The following RGS6 variants were observed in gnomAD, a reference collection of about 807,000 sequenced individuals.
RGS6 encodes the protein regulator of G protein signaling 6.
Under a neutral mutation model 78.5 loss-of-function variants are expected in RGS6, and 30 were observed. The observed-to-expected ratio is 0.38, with a 90% CI of 0.29 to 0.52. The LOEUF is 0.52. RGS6 is among the 20% of genes least tolerant of loss of function. The pLI, the probability that RGS6 is intolerant of heterozygous loss-of-function variation, is 0.85. For synonymous variants in RGS6, 206 were observed against 206.0 expected, an observed-to-expected ratio of 1.00 and a Z score of 0.00; for missense variants, 495 against 609.7, an observed-to-expected ratio of 0.81 and a Z score of 1.98.
intron 15 of RGS6, among the ~76,000 whole-genome samples, chr14:72,520,702 A>T (rs2097025478): frequency 6.6e-6 from 1 of 152,210 alleles, no homozygotes. Flanking sequence ...GTGGTTTGCT[A>T]TTATCTTCCT....
chr14:72,272,270 A>C (rs1482478083), intron 2 of RGS6, among the ~76,000 whole-genome samples: 1 of 152,180 alleles, frequency 6.6e-6, no homozygotes, highest in African/African-American at 2.4e-5. Flanking sequence ...TCATATCACC[A>C]TACTCAATGC....
At chr14:71,978,580 T>C (rs929829952) in intron 2 of RGS6, among the ~76,000 whole-genome samples, 7 of 103,568 alleles carry the variant, frequency 6.8e-5, no homozygotes, top group Non-Finnish European at 1.4e-4. Flanking sequence ...GATTTGCATA[T>C]ATTGAACCAG....
intron 2 of RGS6, among the ~76,000 whole-genome samples, chr14:72,259,689 C>G (rs542161857): frequency 6.6e-6 from 1 of 151,366 alleles, no homozygotes; most frequent in East Asian, 1.9e-4. Context: ...GGGTGGATCA[C>G]GAGGTCAGGA....
At chr14:72,480,737 C>A (rs1228801846) in intron 12 of RGS6, among the ~76,000 whole-genome samples, 1 of 152,106 alleles carries the variant, frequency 6.6e-6, no homozygotes, top group Non-Finnish European at 1.5e-5. Flanking sequence ...GAGATGCAGG[C>A]TGAGCTCTCT....
chr14:72,323,844 A>AAAAAAATT (rs2072906909), intron 2 of RGS6, among the ~76,000 whole-genome samples: 2 of 126,882 alleles, frequency 1.6e-5, no homozygotes, highest in Non-Finnish European at 3.3e-5. Context: ...AAAAAAAACT[A>AAAAAAATT]TTGTAAAACT....
At chr14:72,127,854 A>G (rs1330015765) in intron 2 of RGS6, among the ~76,000 whole-genome samples, 3 of 152,116 alleles carry the variant, frequency 2.0e-5, no homozygotes, top group Non-Finnish European at 4.4e-5. Flanking sequence ...ACCCCTGGCA[A>G]CTCCTAATTT....
Position 72,078,828 on chromosome 14 carries a change from A to G in RGS6, c.84+113953A>G, listed in dbSNP as rs114306426. ...TCCAAGCCTCCAACTTTATCTACCC[A>G]TCACGGTTTTAGCTTATATTTTGAT... On this transcript the variant is annotated intron_variant, in intron 2 of 17. Coordinates refer to ENST00000553525, the MANE Select transcript of RGS6 (RefSeq NM_001204424.2). Among the ~76,000 whole-genome samples the G allele has an allele frequency of 8.9e-3, 1,355 of 152,144 alleles. 20 individuals carry two copies. Among genetic ancestry groups the G allele is most frequent in the African/African-American group, 0.031 (1,303 of 41,502 alleles).
At chr14:72,137,561 A>G (rs1490026581) in intron 2 of RGS6, among the ~76,000 whole-genome samples, 2 of 152,236 alleles carry the variant, frequency 1.3e-5, no homozygotes, top group African/African-American at 4.8e-5. Flanking sequence ...GCCCTTTGTC[A>G]TGTTTGATTA....
chr14:72,429,605 A>C (rs1331484857), intron 3 of RGS6, among the ~76,000 whole-genome samples: 1 of 152,180 alleles, frequency 6.6e-6, no homozygotes, highest in Non-Finnish European at 1.5e-5. Flanking sequence ...TTAAATCTGC[A>C]TTTTTAGAGA....
intron 2 of RGS6, among the ~76,000 whole-genome samples, chr14:72,282,689 A>AC (rs1476989395): frequency 6.6e-6 from 1 of 152,214 alleles, no homozygotes; most frequent in Non-Finnish European, 1.5e-5. Context: ...TACCTGTGAA[A>AC]CTATCATCAC....
intron 2 of RGS6, among the ~76,000 whole-genome samples, chr14:72,174,164 A>G (rs969356040): frequency 1.3e-5 from 2 of 152,184 alleles, no homozygotes; most frequent in Non-Finnish European, 2.9e-5. Flanking sequence ...GCTCAAGTGC[A>G]AGGCACGATC....
At chr14:72,329,469 G>A (rs934042330) in intron 2 of RGS6, among the ~76,000 whole-genome samples, 31 of 152,338 alleles carry the variant, frequency 2.0e-4, no homozygotes, top group African/African-American at 7.0e-4. Flanking sequence ...AGAGGCAGGC[G>A]GCCTGGTGGC....
At chr14:71,992,479 C>A (rs1260049524) in intron 2 of RGS6, among the ~76,000 whole-genome samples, 1 of 152,236 alleles carries the variant, frequency 6.6e-6, no homozygotes, top group Non-Finnish European at 1.5e-5. Flanking sequence ...TTCTGACTTA[C>A]ACCTGCCCAC....
chr14:72,465,827 G>T lies in RGS6; in HGVS notation c.459+5G>T. On this transcript the variant is annotated splice_donor_5th_base_variant and intron_variant, in intron 7 of 17. Transcript: ENST00000553525. ...GAACTGGCAGATTATGAAGCAGTAA[G>T]TATGATTATTTTCCAGGATACATAT... 1 of 1,609,118 alleles carries T rather than the reference G, an allele frequency of 6.2e-7. No homozygotes were observed.
At chr14:71,981,054 C>A (rs1005600478) in intron 2 of RGS6, among the ~76,000 whole-genome samples, 1 of 148,442 alleles carries the variant, frequency 6.7e-6, no homozygotes, top group African/African-American at 2.5e-5. Context: ...TTGATCGCAT[C>A]GGCTCCTGAG....
chr14:72,213,304 G>A (rs551435786), intron 2 of RGS6, among the ~76,000 whole-genome samples: 1 of 151,986 alleles, frequency 6.6e-6, no homozygotes, highest in Non-Finnish European at 1.5e-5. Context: ...TTCTCAGTGG[G>A]CCAGGAAAGA....
At chr14:72,259,602 G>T (rs1385928928) in intron 2 of RGS6, among the ~76,000 whole-genome samples, 2 of 152,272 alleles carry the variant, frequency 1.3e-5, no homozygotes, top group East Asian at 3.9e-4. Flanking sequence ...AATCATGACT[G>T]AGGGTTTAAA....
At chr14:72,431,695 G>A (rs994127591) in intron 3 of RGS6, among the ~76,000 whole-genome samples, 2 of 152,156 alleles carry the variant, frequency 1.3e-5, no homozygotes, top group East Asian at 1.9e-4. Flanking sequence ...CTAACCAGAT[G>A]TTAGCTCTTA....
intron 2 of RGS6, among the ~76,000 whole-genome samples, chr14:72,078,274 C>T (rs1400702644): frequency 6.6e-6 from 1 of 152,138 alleles, no homozygotes; most frequent in Non-Finnish European, 1.5e-5. Flanking sequence ...TGTCTTTTGC[C>T]ATAATTCTAA....
Sources: allele counts gnomAD v4.1 joint callset (sites outside exome capture counted in the v4.1 genomes callset), GRCh38; gene constraint gnomAD v4.1.1; transcripts MANE v1.5; gene names NCBI Gene and HGNC (gene_info 2026-07-23, HGNC 2026-07-21).